The following UBE2E2 variants were observed in gnomAD, a reference collection of about 807,000 sequenced individuals.
UBE2E2 encodes ubiquitin-conjugating enzyme E2 E2.
A neutral mutation model predicts 24.7 loss-of-function variants in UBE2E2; 6 were observed. That is an observed-to-expected ratio of 0.24 (90% CI 0.13 to 0.48). The LOEUF is 0.48. Among genes scored for constraint, UBE2E2 ranks in the 20% least tolerant of loss-of-function variants. The pLI, the probability that UBE2E2 is intolerant of heterozygous loss-of-function variation, is 0.99. For missense variants in UBE2E2, 169 were observed against 245.0 expected (o/e 0.69, Z 2.07); for synonymous variants, 104 against 83.6 (o/e 1.24, Z -1.33).
intron 3 of UBE2E2, among the ~76,000 whole-genome samples, chr3:23,350,896 A>G (rs934205574): frequency 6.6e-6 from 1 of 152,172 alleles, no homozygotes; most frequent in Non-Finnish European, 1.5e-5. Flanking sequence ...CGCCTCAAAG[A>G]TACTCCTCGA....
intron 5 of UBE2E2, among the ~76,000 whole-genome samples, chr3:23,568,624 T>TATATGTATACATATATACGCAC (rs1350061316): frequency 1.1e-4 from 16 of 147,020 alleles, no homozygotes; most frequent in Non-Finnish European, 1.8e-4. Context: ...CACACACATA[T>TATATGTATACATATATACGCAC]ATATATGTAT....
intron 3 of UBE2E2, among the ~76,000 whole-genome samples, chr3:23,436,591 T>C (rs546645506): frequency 6.6e-6 from 1 of 151,924 alleles, no homozygotes; most frequent in East Asian, 1.9e-4. Flanking sequence ...TTCTCAAAGC[T>C]GCAGTGAGCT....
At position 23,350,505 on chromosome 3, in the gene UBE2E2, G is replaced by C. The variant is rs1051012219; in HGVS notation, c.227+133193G>C. 2.0e-5 allele frequency among the ~76,000 whole-genome samples: 3 copies of C among 152,298 alleles called. No individual in the cohort carries two copies. In the South Asian group the frequency reaches 6.2e-4, roughly 32 times the overall value. ...AACTTTGAAAAAAATTTAGACGAAT[G>C]TATAACTAGAATAACCAATACAGAG... On this transcript the variant is annotated intron_variant, in intron 3 of 5. Transcript: ENST00000396703.
chr3:23,313,372 A>G (rs986678412), intron 3 of UBE2E2, among the ~76,000 whole-genome samples: 7 of 141,528 alleles, frequency 4.9e-5, no homozygotes, highest in Non-Finnish European at 7.6e-5. Flanking sequence ...CTTGTAGGCA[A>G]TGGATCATTG....
intron 3 of UBE2E2, among the ~76,000 whole-genome samples, chr3:23,453,245 A>G (rs1254312919): frequency 1.3e-5 from 2 of 152,212 alleles, no homozygotes; most frequent in Non-Finnish European, 2.9e-5. Flanking sequence ...GGTGTTTTCA[A>G]CTTATTTAAA....
chr3:23,400,818 C>T (rs1158110515), intron 3 of UBE2E2, among the ~76,000 whole-genome samples: 1 of 152,036 alleles, frequency 6.6e-6, no homozygotes, highest in Non-Finnish European at 1.5e-5. Context: ...CCTTCCTTCC[C>T]TCCTTCTTTC....
chr3:23,422,134 T>C (rs934325944), intron 3 of UBE2E2, among the ~76,000 whole-genome samples: 4 of 152,252 alleles, frequency 2.6e-5, no homozygotes, highest in Admixed American at 1.3e-4. Flanking sequence ...ATATTCCAAA[T>C]AGAAGTAGAA....
intron 1 of UBE2E2, 118 bp from the exon 2 acceptor site, chr3:23,208,574 C>T: frequency 1.3e-6 from 1 of 756,160 alleles, no homozygotes; most frequent in Non-Finnish European, 1.9e-6. Flanking sequence ...TGTAAATGAC[C>T]AATTTAATCC....
chr3:23,491,475 T>C (rs1290818970), intron 3 of UBE2E2, among the ~76,000 whole-genome samples: 1 of 152,214 alleles, frequency 6.6e-6, no homozygotes, highest in Non-Finnish European at 1.5e-5. Context: ...TCAGAAAGGT[T>C]GCAGCCAAGT....
At chr3:23,564,717 T>G (rs1027478370) in intron 5 of UBE2E2, among the ~76,000 whole-genome samples, 29 of 152,206 alleles carry the variant, frequency 1.9e-4, no homozygotes, top group African/African-American at 6.8e-4. Context: ...AGCCTGGTGC[T>G]TTCCACCTGT....
rs545714515 is a variant in UBE2E2, at chr3:23,287,781, T to C, written c.227+70469T>C. 6.6e-5 allele frequency among the ~76,000 whole-genome samples: 10 copies of C among 151,854 alleles called. 1 individual carries two copies. The highest frequency in any genetic ancestry group is 6.6e-4 in the Admixed American group (10 of 15,242). ...GGTTGTAATGTCTCTCTCTTTTTTT[T>C]TTTTTTTACATCTCTGATTTTATTC... On this transcript the variant is annotated intron_variant, in intron 3 of 5. Transcript: ENST00000396703.
At chr3:23,253,940 T>C (rs1037222138) in intron 3 of UBE2E2, among the ~76,000 whole-genome samples, 1 of 152,206 alleles carries the variant, frequency 6.6e-6, no homozygotes, top group Non-Finnish European at 1.5e-5. Flanking sequence ...CTCTCTCAAA[T>C]AGGGTATATT....
intron 3 of UBE2E2, among the ~76,000 whole-genome samples, chr3:23,493,193 A>C (rs1699536182): frequency 6.6e-6 from 1 of 152,156 alleles, no homozygotes; most frequent in East Asian, 1.9e-4. Flanking sequence ...CACAGCCAAA[A>C]ACTCTTGGTC....
At chr3:23,246,438 T>G (rs1697404838) in intron 3 of UBE2E2, among the ~76,000 whole-genome samples, 1 of 147,350 alleles carries the variant, frequency 6.8e-6, no homozygotes, top group African/African-American at 2.5e-5. Flanking sequence ...GGTTTCAGTA[T>G]GTTGGCCAGG....
At chr3:23,369,560 C>T (rs2125338937) in intron 3 of UBE2E2, among the ~76,000 whole-genome samples, 1 of 152,262 alleles carries the variant, frequency 6.6e-6, no homozygotes, top group Middle Eastern at 3.4e-3. Flanking sequence ...ATTTCTCACT[C>T]AGCATGTTTC....
chr3:23,582,131 C>T (rs1038259267), intron 5 of UBE2E2, among the ~76,000 whole-genome samples: 7 of 152,142 alleles, frequency 4.6e-5, no homozygotes, highest in African/African-American at 1.7e-4. Context: ...GTTTAGCTCC[C>T]ACTTATAAGT....
intron 3 of UBE2E2, among the ~76,000 whole-genome samples, chr3:23,451,539 G>A (rs943491403): frequency 6.6e-6 from 1 of 152,148 alleles, no homozygotes; most frequent in South Asian, 2.1e-4. Context: ...ACTATACCGT[G>A]TTATCTCTTA....
intron 4 of UBE2E2, among the ~76,000 whole-genome samples, chr3:23,515,762 G>C (rs1694720914): frequency 6.7e-6 from 1 of 149,908 alleles, no homozygotes; most frequent in Non-Finnish European, 1.5e-5. Context: ...TTCACGACAA[G>C]CCTGGACAAC....
chr3:23,449,784 A>C (rs1698521514), intron 3 of UBE2E2: 11 of 745,692 alleles, frequency 1.5e-5, no homozygotes, highest in African/African-American at 5.7e-5. Context: ...TCCAGTAAGC[A>C]GTGTTTTTAA....
Sources: allele counts gnomAD v4.1 joint callset (sites outside exome capture counted in the v4.1 genomes callset), GRCh38; gene constraint gnomAD v4.1.1; transcripts MANE v1.5; gene names NCBI Gene and HGNC (gene_info 2026-07-23, HGNC 2026-07-21).